The following PCDHGA1 variants were observed in gnomAD, a reference collection of about 807,000 sequenced individuals.
PCDHGA1 encodes protocadherin gamma-A1.
A neutral mutation model predicts 58.0 loss-of-function variants in PCDHGA1; 32 were observed. The observed-to-expected ratio is 0.55, with a 90% CI of 0.42 to 0.74. PCDHGA1 has a LOEUF of 0.74. Ranked by LOEUF, PCDHGA1 falls within the 30% of genes least tolerant of loss-of-function variation. PCDHGA1 has a pLI of 0.00. For synonymous variants in PCDHGA1, 498 were observed against 501.1 expected, an observed-to-expected ratio of 0.99 and a Z score of 0.08; for missense variants, 1,205 against 1,182.3, an observed-to-expected ratio of 1.02 and a Z score of -0.28.
rs1195316502 is a variant in PCDHGA1 at position 141,431,006 on chromosome 5, A to G, written c.2422-63801A>G. 1.2e-6 allele frequency: 2 copies of G among 1,614,116 alleles called. No individual in the cohort carries two copies. Among genetic ancestry groups the G allele is most frequent in the South Asian group, 2.2e-5 (2 of 91,078 alleles). ...TTTCGCCCTGAATCCGCGCAGCGGC[A>G]GCTTGGTCACGGCGGGCAGGATAGA... On this transcript the variant is annotated intron_variant, in intron 1 of 3. Transcript: ENST00000517417. The surrounding 1 kb of genome is among the most constrained non-coding windows in gnomAD (Gnocchi z 4.8).
At chr5:141,339,746 A>G in intron 1 of PCDHGA1, 3 of 1,614,006 alleles carry the variant, frequency 1.9e-6, no homozygotes, top group Non-Finnish European at 2.5e-6. Flanking sequence ...GCTCGTGGGC[A>G]CCCGGATACT....
intron 1 of PCDHGA1, chr5:141,414,344 T>C: frequency 6.2e-7 from 1 of 1,613,882 alleles, no homozygotes; most frequent in Non-Finnish European, 8.5e-7. Flanking sequence ...ACCTGTTCCA[T>C]TTTGGCGTAT....
rs150053247 is a variant in PCDHGA1 at position 141,346,855 on chromosome 5, T to C, written c.2421+13750T>C. Among the ~76,000 whole-genome samples, 41 of 152,352 alleles carry C rather than the reference T, an allele frequency of 2.7e-4. No homozygotes were observed. The East Asian group carries it at 5.2e-3, about 19-fold the overall frequency. ...AGGCCTTTTTCATTTTAAATCCCTG[T>C]GCTTTGGAGTTTGTCATTCCAACCT... is the stretch of plus-strand genomic sequence containing the variant. On this transcript the variant is annotated intron_variant, in intron 1 of 3. Coordinates refer to ENST00000517417, the MANE Select transcript of PCDHGA1 (RefSeq NM_018912.3).
chr5:141,339,911 T>C (rs200811046), intron 1 of PCDHGA1: 69 of 1,614,012 alleles, frequency 4.3e-5, no homozygotes, highest in Non-Finnish European at 5.3e-5. Context: ...GGATGCTACA[T>C]TCCATGAAAT....
At position 141,477,722 on chromosome 5, in the gene PCDHGA1, A is replaced by G. The variant is rs768705340; in HGVS notation, c.2422-17085A>G. 9.3e-6 allele frequency: 15 copies of G among 1,613,878 alleles called. No homozygotes were observed. In the Middle Eastern group the frequency reaches 6.6e-4, roughly 71 times the overall value. On this transcript the variant is annotated intron_variant, in intron 1 of 3. Transcript: ENST00000517417. The surrounding 1 kb of genome is among the most constrained non-coding windows in gnomAD (Gnocchi z 4.9). ...TGAGGATCGGCGGGAATTTGAATTA[A>G]CAGCTCATATCAGCGATGGGGGCAC...
At chr5:141,470,628 G>T (rs1475199767) in intron 1 of PCDHGA1, among the ~76,000 whole-genome samples, 12 of 152,146 alleles carry the variant, frequency 7.9e-5, no homozygotes, top group Admixed American at 7.9e-4. Flanking sequence ...GCTTAGATAG[G>T]CCCCCTTGCT....
chr5:141,427,139 T>C (rs1430333586), intron 1 of PCDHGA1: 2 of 456,952 alleles, frequency 4.4e-6, no homozygotes, highest in East Asian at 1.4e-4. Context: ...TACGAGATGA[T>C]ATTGGAAATA....
At chr5:141,365,090 A>T (rs774588043) in intron 1 of PCDHGA1, 1 of 1,613,830 alleles carries the variant, frequency 6.2e-7, no homozygotes, top group Non-Finnish European at 8.5e-7. Context: ...TGTTCCAGAG[A>T]ACATACCTGT....
chr5:141,376,761 A>G (rs1179580742), intron 1 of PCDHGA1: 1 of 431,306 alleles, frequency 2.3e-6, no homozygotes, highest in African/African-American at 2.3e-5. Flanking sequence ...ATCTCGGCTC[A>G]CTGCAAGCTC....
At chr5:141,335,413 A>G (rs1029387006) in intron 1 of PCDHGA1, among the ~76,000 whole-genome samples, 2 of 152,196 alleles carry the variant, frequency 1.3e-5, no homozygotes, top group Non-Finnish European at 2.9e-5. Context: ...AAGGTAACAA[A>G]CACAAATTGT....
intron 1 of PCDHGA1, among the ~76,000 whole-genome samples, chr5:141,481,710 T>C (rs1447483213): frequency 6.6e-6 from 1 of 151,556 alleles, no homozygotes; most frequent in Non-Finnish European, 1.5e-5. Context: ...TCCCAGCACT[T>C]TGGGAGGCGG....
chr5:141,443,367 C>T (rs1305408862), intron 1 of PCDHGA1, among the ~76,000 whole-genome samples: 1 of 151,712 alleles, frequency 6.6e-6, no homozygotes, highest in African/African-American at 2.4e-5. Flanking sequence ...TGCCTGTGGT[C>T]TCAGCTACTT....
chr5:141,354,596 C>T (rs1759587882), intron 1 of PCDHGA1, among the ~76,000 whole-genome samples: 2 of 152,350 alleles, frequency 1.3e-5, no homozygotes, highest in South Asian at 4.1e-4. Context: ...AAAGCCAGAC[C>T]TCCAAGTTCC....
chr5:141,485,930 G>A lies in PCDHGA1; in HGVS notation c.2422-8877G>A. ...ATCCAGCTACAGGATTAGTGTGTTG[G>A]AGAGCGCACCAGCGGGCATGGTGCT... On this transcript the variant is annotated intron_variant, in intron 1 of 3. Transcript: ENST00000517417. This position sits in a 1 kb window ranked among gnomAD's most constrained non-coding sequence, Gnocchi z 5.7. The A allele has an allele frequency of 6.2e-7, 1 of 1,614,178 alleles. No homozygotes were observed. Among genetic ancestry groups the A allele is most frequent in the Non-Finnish European group, 8.5e-7 (1 of 1,180,042 alleles).
intron 1 of PCDHGA1, chr5:141,404,707 C>T: frequency 6.2e-7 from 1 of 1,614,122 alleles, no homozygotes; most frequent in Non-Finnish European, 8.5e-7. Flanking sequence ...CAGAGCCTGG[C>T]TACCTGGTGA....
At chr5:141,427,557 A>G (rs1437024906) in intron 1 of PCDHGA1, 1 of 650,060 alleles carries the variant, frequency 1.5e-6, no homozygotes, top group Non-Finnish European at 2.8e-6. Flanking sequence ...TGCCACTGAC[A>G]AGGGCAAGCC....
chr5:141,415,304 C>A, intron 1 of PCDHGA1: 1 of 1,614,188 alleles, frequency 6.2e-7, no homozygotes, highest in Non-Finnish European at 8.5e-7. Context: ...GTCTTCCTGG[C>A]CTTCGTCATC....
At chr5:141,472,980 CAAAAAAA>C (rs60579131) in intron 1 of PCDHGA1, among the ~76,000 whole-genome samples, 1 of 86,108 alleles carries the variant, frequency 1.2e-5, no homozygotes, top group East Asian at 4.1e-4. Context: ...GAGTGAAACT[CAAAAAAA>C]AAAAAAAAAA....
chr5:141,507,478 C>T (rs933478897), intron 3 of PCDHGA1, among the ~76,000 whole-genome samples: 5 of 152,158 alleles, frequency 3.3e-5, no homozygotes, highest in African/African-American at 1.2e-4. Flanking sequence ...GGACTGCTGG[C>T]CTCCTGAGGC....
Sources: gnomAD v4.1 joint callset for allele counts (sites outside exome capture counted in the v4.1 genomes callset) on GRCh38, gnomAD v4.1.1 for gene constraint, Gnocchi (gnomAD v3.1) non-coding constraint, MANE v1.5 for transcripts, NCBI Gene and HGNC (gene_info 2026-07-23, HGNC 2026-07-21) for gene names.